The following FRMPD4 variants were observed in gnomAD, a reference collection of about 807,000 sequenced individuals.
FRMPD4 encodes FERM and PDZ domain-containing protein 4.
Under a neutral mutation model 94.1 loss-of-function variants are expected in FRMPD4, and 22 were observed. That is an observed-to-expected ratio of 0.23 (90% confidence interval 0.17 to 0.33). FRMPD4 has a LOEUF of 0.33. Among genes scored for constraint, FRMPD4 ranks in the 10% least tolerant of loss-of-function variants. The pLI, the probability that FRMPD4 is intolerant of heterozygous loss-of-function variation, is 1.00. For synonymous variants in FRMPD4, 631 were observed against 548.6 expected, an observed-to-expected ratio of 1.15 and a Z score of -2.10; for missense variants, 1,111 against 1,339.9, an observed-to-expected ratio of 0.83 and a Z score of 2.67.
At chrX:11,830,350 T>G (rs1485123709) in intron 1 of FRMPD4, among the ~76,000 whole-genome samples, 2 of 112,262 alleles carry the variant, frequency 1.8e-5, no homozygotes, top group African/African-American at 6.4e-5. Context: ...TTAAACCACA[T>G]GTTATGTAAA....
intron 3 of FRMPD4, among the ~76,000 whole-genome samples, chrX:11,954,137 G>C (rs189445600): frequency 1.6e-4 from 18 of 112,413 alleles, no homozygotes; most frequent in African/African-American, 5.2e-4. Context: ...GTTGACTTCA[G>C]TTTGGCCAAC....
intron 1 of FRMPD4, among the ~76,000 whole-genome samples, chrX:12,212,065 A>G (rs1009254994): frequency 1.8e-5 from 2 of 111,847 alleles, no homozygotes; most frequent in African/African-American, 6.5e-5. Context: ...TCCTCCCCAC[A>G]GCCATCCTTC....
intron 1 of FRMPD4, among the ~76,000 whole-genome samples, chrX:12,319,698 A>T (rs1444007034): frequency 2.7e-5 from 3 of 112,065 alleles, no homozygotes; most frequent in Non-Finnish European, 5.6e-5. Context: ...AAACTTCCTC[A>T]GGAATGTAGC....
intron 3 of FRMPD4, among the ~76,000 whole-genome samples, chrX:11,953,967 GCCCTTCCTCTGGACAC>G (rs200263436): frequency 2.8e-4 from 31 of 112,273 alleles, no homozygotes; most frequent in East Asian, 1.1e-3. Context: ...TGTGTAGTAA[GCCCTTCCTCTGGACAC>G]CAAAGGATGG....
chrX:11,932,906 T>C (rs1299571800), intron 3 of FRMPD4, among the ~76,000 whole-genome samples: 5 of 111,486 alleles, frequency 4.5e-5, no homozygotes, highest in African/African-American at 1.6e-4. Flanking sequence ...TTGTTCTAAC[T>C]TTCTTCATGG....
At chrX:12,643,813 A>G (rs911082013) in intron 4 of FRMPD4, among the ~76,000 whole-genome samples, 2 of 111,966 alleles carry the variant, frequency 1.8e-5, no homozygotes, top group African/African-American at 3.2e-5. Context: ...TAGGACCTGC[A>G]TTGGAGACCA....
intron 3 of FRMPD4, among the ~76,000 whole-genome samples, chrX:11,971,936 T>C (rs374027686): frequency 8.9e-6 from 1 of 112,002 alleles, no homozygotes; most frequent in African/African-American, 3.2e-5. Flanking sequence ...TTAGGACTTT[T>C]GTTTGGTTGT....
intron 1 of FRMPD4, among the ~76,000 whole-genome samples, chrX:12,483,940 C>T: frequency 9.0e-6 from 1 of 111,502 alleles, no homozygotes; most frequent in Non-Finnish European, 1.9e-5. Context: ...TTTAACATTT[C>T]TTCTATGAAA....
At chrX:12,416,838 G>A (rs1460547756) in intron 1 of FRMPD4, among the ~76,000 whole-genome samples, 4 of 111,656 alleles carry the variant, frequency 3.6e-5, no homozygotes, top group African/African-American at 1.3e-4. Context: ...CTTTACAAAG[G>A]AAGTCACACC....
intron 3 of FRMPD4, among the ~76,000 whole-genome samples, chrX:12,109,882 TC>T: frequency 9.0e-6 from 1 of 111,495 alleles, no homozygotes; most frequent in Non-Finnish European, 1.9e-5. Flanking sequence ...AGAAGTTGAA[TC>T]CCGGAATTGA....
chrX:12,005,279 G>C (rs1006870116), intron 3 of FRMPD4, among the ~76,000 whole-genome samples: 2 of 108,247 alleles, frequency 1.8e-5, no homozygotes, highest in African/African-American at 3.3e-5. Context: ...GGATGGGACC[G>C]AAGAATCTGG....
At chrX:12,385,095 TTC>T (rs1365101921) in intron 1 of FRMPD4, among the ~76,000 whole-genome samples, 1 of 112,381 alleles carries the variant, frequency 8.9e-6, no homozygotes, top group Non-Finnish European at 1.9e-5. Flanking sequence ...ATTCTTTATG[TTC>T]TGTTTCTCAT....
chrX:11,966,729 A>T (rs1040912116), intron 3 of FRMPD4, among the ~76,000 whole-genome samples: 1 of 112,148 alleles, frequency 8.9e-6, no homozygotes, highest in Admixed American at 9.5e-5. Flanking sequence ...TCTTCCCCTC[A>T]TTTAACCTTT....
At chrX:12,568,556 A>C (rs1212564806) in intron 2 of FRMPD4, among the ~76,000 whole-genome samples, 2 of 112,442 alleles carry the variant, frequency 1.8e-5, no homozygotes, top group Non-Finnish European at 3.8e-5. Flanking sequence ...TTTAAATGAT[A>C]AACTTTTTAT....
At chrX:12,600,501 ATC>A (rs752701438) in intron 2 of FRMPD4, among the ~76,000 whole-genome samples, 2 of 112,339 alleles carry the variant, frequency 1.8e-5, no homozygotes, top group African/African-American at 3.2e-5. Flanking sequence ...ATGTCTAAAC[ATC>A]TGTTTCCCTA....
chrX:12,663,413 G>A (rs996558082), intron 4 of FRMPD4, among the ~76,000 whole-genome samples: 22 of 111,816 alleles, frequency 2.0e-4, no homozygotes, highest in Non-Finnish European at 4.0e-4. Flanking sequence ...TTTGCATATG[G>A]CTAGCCAATT....
At chrX:12,599,199 T>C (rs769011765) in intron 2 of FRMPD4, among the ~76,000 whole-genome samples, 1 of 111,460 alleles carries the variant, frequency 9.0e-6, no homozygotes, top group East Asian at 2.8e-4. Context: ...TACAATCCAA[T>C]TTGATAGAGA....
chrX:12,000,539 G>T (rs1365327957), intron 3 of FRMPD4, among the ~76,000 whole-genome samples: 1 of 111,825 alleles, frequency 8.9e-6, no homozygotes, highest in Non-Finnish European at 1.9e-5. Context: ...TGTCAAACAT[G>T]AGGCTGAGTT....
At chrX:12,401,248 T>C (rs995142465) in intron 1 of FRMPD4, among the ~76,000 whole-genome samples, 1 of 110,641 alleles carries the variant, frequency 9.0e-6, no homozygotes, top group Admixed American at 9.6e-5. Context: ...AGAAGTGAGT[T>C]AAGTATACTC....
Sources: gnomAD v4.1 joint callset for allele counts (sites outside exome capture counted in the v4.1 genomes callset) on GRCh38, gnomAD v4.1.1 for gene constraint, MANE v1.5 for transcripts, NCBI Gene and HGNC (gene_info 2026-07-23, HGNC 2026-07-21) for gene names.